The following HDHD2 variants were observed in gnomAD, a reference collection of about 807,000 sequenced individuals.
The protein encoded by HDHD2 is haloacid dehalogenase-like hydrolase domain-containing protein 2.
HDHD2 carries 26 observed loss-of-function variants against 24.8 expected under a neutral mutation model. The ratio of observed to expected loss-of-function variants is 1.05; its 90% confidence interval spans 0.77 to 1.45. HDHD2 has a LOEUF of 1.45. HDHD2 is among the 40% of genes most tolerant of loss of function. The pLI is 0.00. For missense variants in HDHD2, 299 were observed against 313.4 expected, an observed-to-expected ratio of 0.95 and a Z score of 0.35; for synonymous variants, 128 against 114.9, an observed-to-expected ratio of 1.11 and a Z score of -0.73.
intron 1 of HDHD2, among the ~76,000 whole-genome samples, chr18:47,137,615 A>T (rs1033914317): frequency 3.3e-5 from 5 of 152,182 alleles, no homozygotes; most frequent in Non-Finnish European, 5.9e-5. Context: ...CTATCTTTAC[A>T]TTTCAGTAAG....
At chr18:47,124,114 A>G (rs2063633571) in intron 4 of HDHD2, among the ~76,000 whole-genome samples, 1 of 152,268 alleles carries the variant, frequency 6.6e-6, no homozygotes, top group African/African-American at 2.4e-5. Context: ...GAGTATACAC[A>G]GATAAAAATG....
chr18:47,138,838 G>A (rs2063792580), intron 1 of HDHD2, among the ~76,000 whole-genome samples: 1 of 152,172 alleles, frequency 6.6e-6, no homozygotes, highest in Non-Finnish European at 1.5e-5. Context: ...CTCATATCCT[G>A]GAGGAAGGAA....
intron 4 of HDHD2, among the ~76,000 whole-genome samples, chr18:47,126,657 T>C (rs2635054): frequency 0.56 from 85,280 of 151,882 alleles, 24,057 homozygotes; most frequent in Middle Eastern, 0.62. Flanking sequence ...GGTATAACGA[T>C]ATTTTAATAA....
intron 6 of HDHD2, chr18:47,111,213 G>C (rs2063513089): frequency 1.0e-6 from 1 of 985,152 alleles, no homozygotes; most frequent in Non-Finnish European, 1.2e-6. Context: ...GCTTCTCAGA[G>C]ACTAAACTGA....
intron 4 of HDHD2, among the ~76,000 whole-genome samples, chr18:47,123,530 T>A (rs867779712): frequency 1.3e-5 from 2 of 152,128 alleles, no homozygotes; most frequent in African/African-American, 4.8e-5. Context: ...GAGGTTACAG[T>A]GAGCTGAGAG....
chr18:47,143,232 G>A (rs899603021), intron 1 of HDHD2, among the ~76,000 whole-genome samples: 1 of 152,154 alleles, frequency 6.6e-6, no homozygotes, highest in Non-Finnish European at 1.5e-5. Context: ...TAGGAGGATT[G>A]CTTGAATCCA....
At chr18:47,141,517 A>G (rs1478297623) in intron 1 of HDHD2, among the ~76,000 whole-genome samples, 1 of 152,180 alleles carries the variant, frequency 6.6e-6, no homozygotes, top group African/African-American at 2.4e-5. Flanking sequence ...GTCCTCATAT[A>G]TTATTTCAAA....
chr18:47,133,399 T>C (rs1038551941), intron 3 of HDHD2, among the ~76,000 whole-genome samples: 14 of 151,812 alleles, frequency 9.2e-5, no homozygotes, highest in African/African-American at 2.9e-4. Flanking sequence ...CTATCATTGA[T>C]GGACATTTGG....
At chr18:47,118,645 G>A (rs961383028) in intron 4 of HDHD2, among the ~76,000 whole-genome samples, 2 of 152,176 alleles carry the variant, frequency 1.3e-5, no homozygotes, top group African/African-American at 4.8e-5. Context: ...ATACCTAGGT[G>A]ATGGGTTGAT....
chr18:47,138,642 C>T (rs1285358808), intron 1 of HDHD2, among the ~76,000 whole-genome samples: 1 of 152,120 alleles, frequency 6.6e-6, no homozygotes, highest in Non-Finnish European at 1.5e-5. Flanking sequence ...GTTTTCATAC[C>T]TAATAACAGT....
chr18:47,132,685 C>T (rs1463700139), intron 3 of HDHD2, among the ~76,000 whole-genome samples: 1 of 152,218 alleles, frequency 6.6e-6, no homozygotes, highest in Non-Finnish European at 1.5e-5. Flanking sequence ...TATAGCCATG[C>T]TGAACTTATA....
intron 1 of HDHD2, chr18:47,137,046 T>A: frequency 1.4e-6 from 1 of 715,956 alleles, no homozygotes; most frequent in East Asian, 2.6e-5. Flanking sequence ...AAGGAAGAAG[T>A]CAAAACTGAG....
At chr18:47,119,745 T>A (rs2144302870) in intron 4 of HDHD2, among the ~76,000 whole-genome samples, 1 of 152,338 alleles carries the variant, frequency 6.6e-6, no homozygotes, top group African/African-American at 2.4e-5. Context: ...GTTTTCAATT[T>A]TCTTTGCCTA....
intron 1 of HDHD2, among the ~76,000 whole-genome samples, chr18:47,138,850 G>A (rs2063792721): frequency 6.6e-6 from 1 of 152,210 alleles, no homozygotes; most frequent in South Asian, 2.1e-4. Flanking sequence ...AGGAAGGAAT[G>A]CTGCACAGGG....
intron 4 of HDHD2, among the ~76,000 whole-genome samples, chr18:47,124,927 G>A (rs2063643644): frequency 6.6e-6 from 1 of 152,100 alleles, no homozygotes; most frequent in African/African-American, 2.4e-5. Flanking sequence ...CACTTTGAGA[G>A]ACTAGGGCAC....
chr18:47,139,448 G>C (rs556780330), intron 1 of HDHD2, among the ~76,000 whole-genome samples: 1 of 113,638 alleles, frequency 8.8e-6, no homozygotes, highest in South Asian at 3.1e-4. Context: ...CTGGGTGACA[G>C]AGCGAGACTC....
chr18:47,109,169 T>G (rs2063496027), intron 6 of HDHD2: 1 of 170,884 alleles, frequency 5.9e-6, no homozygotes, highest in Non-Finnish European at 1.2e-5. Context: ...GGCAGAGGAC[T>G]CATCCGCTCC....
chr18:47,125,928 G>A (rs749037323), intron 4 of HDHD2, among the ~76,000 whole-genome samples: 6 of 152,110 alleles, frequency 3.9e-5, no homozygotes, highest in African/African-American at 1.2e-4. Context: ...GTTTGTTCAC[G>A]TAAACAAATC....
intron 3 of HDHD2, 34 bp downstream of exon 3, chr18:47,134,462 T>C (rs1256836387): frequency 7.0e-7 from 1 of 1,418,826 alleles, no homozygotes; most frequent in East Asian, 2.3e-5. Flanking sequence ...TACATATAAA[T>C]ATCCAATCTT....
Sources: gnomAD v4.1 joint callset for allele counts (sites outside exome capture counted in the v4.1 genomes callset) on GRCh38, gnomAD v4.1.1 for gene constraint, MANE v1.5 for transcripts, NCBI Gene and HGNC (gene_info 2026-07-23, HGNC 2026-07-21) for gene names.